The following CLNS1A variants were observed in gnomAD, a reference collection of about 807,000 sequenced individuals.
The protein encoded by CLNS1A is methylosome subunit pICln.
CLNS1A carries 16 observed loss-of-function variants against 29.4 expected under a neutral mutation model. The ratio of observed to expected loss-of-function variants is 0.54; its 90% CI spans 0.37 to 0.83. The LOEUF is 0.83. Ranked by LOEUF, CLNS1A falls within the 40% of genes least tolerant of loss-of-function variation. CLNS1A has a pLI of 0.00. For missense variants in CLNS1A, 235 were observed against 287.4 expected, an observed-to-expected ratio of 0.82 and a Z score of 1.32; for synonymous variants, 96 against 104.8, an observed-to-expected ratio of 0.92 and a Z score of 0.51.
At chr11:77,619,564 G>C in intron 6 of CLNS1A, 42 bp downstream of exon 6, 1 of 1,226,948 alleles carries the variant, frequency 8.2e-7, no homozygotes, top group Non-Finnish European at 1.2e-6. Context: ...CATTTCATAT[G>C]ATTTTCATGA....
At chr11:77,621,091 G>A (rs1311034754) in intron 5 of CLNS1A, among the ~76,000 whole-genome samples, 2 of 152,040 alleles carry the variant, frequency 1.3e-5, no homozygotes, top group Non-Finnish European at 2.9e-5. Flanking sequence ...GAGGTCAGGA[G>A]TTCGAGACCA....
intron 6 of CLNS1A, among the ~76,000 whole-genome samples, chr11:77,617,355 G>A (rs1454626859): frequency 8.4e-5 from 8 of 95,694 alleles, no homozygotes; most frequent in African/African-American, 3.5e-4. Context: ...CAACAAGAGC[G>A]AAACTCCATC....
chr11:77,636,080 T>G (rs567686227), intron 1 of CLNS1A, among the ~76,000 whole-genome samples: 1 of 151,518 alleles, frequency 6.6e-6, no homozygotes, highest in East Asian at 1.9e-4. Context: ...TTATTTTTAT[T>G]TTTTTTTTGA....
intron 1 of CLNS1A, among the ~76,000 whole-genome samples, chr11:77,631,697 A>T (rs982140857): frequency 7.6e-5 from 11 of 145,040 alleles, no homozygotes; most frequent in Non-Finnish European, 1.7e-4. Flanking sequence ...CATTCTTATT[A>T]AAAAAAAAAA....
intron 2 of CLNS1A, among the ~76,000 whole-genome samples, chr11:77,628,337 A>G (rs1031564827): frequency 9.9e-5 from 15 of 152,224 alleles, no homozygotes; most frequent in South Asian, 2.1e-4. Context: ...AACATGACAC[A>G]TAATATTCTT....
chr11:77,630,001 T>A (rs1959059147), intron 1 of CLNS1A, 102 bp from the exon 2 acceptor site: 2 of 933,650 alleles, frequency 2.1e-6, no homozygotes, highest in African/African-American at 3.4e-5. Context: ...TGCATATAAA[T>A]AAATTCAAGT....
At chr11:77,626,632 C>A (rs567669773) in intron 2 of CLNS1A, among the ~76,000 whole-genome samples, 4 of 150,706 alleles carry the variant, frequency 2.7e-5, no homozygotes, top group Non-Finnish European at 5.9e-5. Context: ...GGGTGAGACT[C>A]CATCACAAAA....
At position 77,619,394 on chromosome 11, in the gene CLNS1A, G is replaced by C. The variant is rs1009361901; in HGVS notation, c.*22+212C>G. 14 of 486,298 alleles carry C rather than the reference G, an allele frequency of 2.9e-5. No homozygotes were observed. The African/African-American group carries it at 3.1e-4, about 11-fold the overall frequency. The allele number at this position is 486,298 out of a possible 1,614,324, so 30.1% of individuals were successfully genotyped here. A position where few individuals can be genotyped will look rare whatever the true frequency, so the allele number is the denominator to read the frequency against. ...TAAAATTTTAAAATAAGCTGGGTGT[G>C]GTAAGCATGTGCCTATAGTCCCAGC... On this transcript the variant is annotated intron_variant, in intron 6 of 6. Transcript: ENST00000525428.
At chr11:77,637,104 G>T (rs1439812621) in intron 1 of CLNS1A, among the ~76,000 whole-genome samples, 1 of 151,648 alleles carries the variant, frequency 6.6e-6, no homozygotes, top group Non-Finnish European at 1.5e-5. Flanking sequence ...TCCACAGTCG[G>T]CTCTGAAACT....
intron 5 of CLNS1A, chr11:77,621,800 A>G: frequency 2.9e-6 from 1 of 342,186 alleles, no homozygotes; most frequent in Admixed American, 3.7e-5. Context: ...GGTGAAGGAG[A>G]TTACCCTGCA....
intron 4 of CLNS1A, 56 bp from the exon 5 acceptor site, chr11:77,622,729 G>C: frequency 7.4e-7 from 1 of 1,347,210 alleles, no homozygotes; most frequent in East Asian, 2.4e-5. Context: ...AAACAAAATG[G>C]AATCAATAAT....
rs1958898331 is a variant in CLNS1A at position 77,615,331 on chromosome 11, A to G, written c.*1387T>C. 1 of 152,182 alleles carries G rather than the reference A, an allele frequency of 6.6e-6. No homozygotes were observed. The highest frequency in any genetic ancestry group is 6.6e-5 in the Admixed American group (1 of 15,248). 9.4% of individuals were successfully genotyped at this position (152,182 alleles called of 1,614,324 possible). ...TGAAATGTTAACACTGAAACCCTGC[A>G]GCAGTGGGGAGAGTGTGCATGCTTT... On this transcript the variant is annotated 3_prime_UTR_variant, in exon 7 of 7. Transcript: ENST00000525428.
At chr11:77,618,680 G>A (rs534283981) in intron 6 of CLNS1A, 1 of 152,272 alleles carries the variant, frequency 6.6e-6, no homozygotes, top group South Asian at 2.1e-4. Flanking sequence ...ACTTTAAAAG[G>A]CTGGTTTCTG....
chr11:77,617,904 C>T (rs563320144), intron 6 of CLNS1A, among the ~76,000 whole-genome samples: 2 of 146,376 alleles, frequency 1.4e-5, no homozygotes, highest in Admixed American at 7.0e-5. Context: ...GGCGACAGAG[C>T]GAGATTCCAT....
chr11:77,621,938 G>A (rs1292230629), intron 5 of CLNS1A: 2 of 455,954 alleles, frequency 4.4e-6, no homozygotes, highest in Non-Finnish European at 8.8e-6. Flanking sequence ...CTCTTCTCTG[G>A]GTCTCCAGTC....
chr11:77,630,041 G>C, intron 1 of CLNS1A, 142 bp from the exon 2 acceptor site: 1 of 683,204 alleles, frequency 1.5e-6, no homozygotes, highest in Non-Finnish European at 2.3e-6. Context: ...CATAAAATAA[G>C]AAAATTCAGT....
At chr11:77,630,728 C>T (rs1759611546) in intron 1 of CLNS1A, among the ~76,000 whole-genome samples, 1 of 152,018 alleles carries the variant, frequency 6.6e-6, no homozygotes, top group Non-Finnish European at 1.5e-5. Context: ...TCTGATAATA[C>T]TTCATCCATC....
Position 77,614,795 on chromosome 11 carries a change from A to G in CLNS1A, c.*1923T>C, listed in dbSNP as rs555006090. On this transcript the variant is annotated 3_prime_UTR_variant, in exon 7 of 7. Coordinates refer to ENST00000525428, the MANE Select transcript of CLNS1A (RefSeq NM_001293.3). ...AAGTGTCTCTACATCAGGAACACAC[A>G]AAGAAAACAATTCCAGCAACCCTAA... The G allele has an allele frequency of 6.6e-6, 1 of 152,356 alleles. No individual in the cohort carries two copies. Among genetic ancestry groups the G allele is most frequent in the African/African-American group, 2.4e-5 (1 of 41,578 alleles). The allele number at this position is 152,356 out of a possible 1,614,324, so 9.4% of individuals were successfully genotyped here. A position where few individuals can be genotyped will look rare whatever the true frequency, so the allele number is the denominator to read the frequency against.
At chr11:77,622,947 T>TA (rs1958977863) in intron 4 of CLNS1A, among the ~76,000 whole-genome samples, 1 of 127,840 alleles carries the variant, frequency 7.8e-6, no homozygotes, top group Non-Finnish European at 1.7e-5. Flanking sequence ...GACCTTGTCT[T>TA]GGAAAAAAAA....
Sources: gnomAD v4.1 joint callset for allele counts (sites outside exome capture counted in the v4.1 genomes callset) on GRCh38, gnomAD v4.1.1 for gene constraint, MANE v1.5 for transcripts, NCBI Gene and HGNC (gene_info 2026-07-23, HGNC 2026-07-21) for gene names.